Variants in NRXN2 observed in about 807,000 individuals in gnomAD.
NRXN2 encodes the protein neurexin 2.
Under a neutral mutation model 128.8 loss-of-function variants are expected in NRXN2, and 29 were observed. The observed-to-expected ratio is 0.23, with a 90% CI of 0.17 to 0.31. The LOEUF (loss-of-function observed/expected upper bound fraction) is 0.31. NRXN2 is among the 10% of genes least tolerant of loss of function. NRXN2 has a pLI of 1.00. For missense variants in NRXN2, 1,881 were observed against 2,452.6 expected (o/e 0.77, Z 4.92); for synonymous variants, 1,098 against 1,075.2 (o/e 1.02, Z -0.41).
At chr11:64,655,924 AAT>A (rs1256073018) in intron 11 of NRXN2, among the ~76,000 whole-genome samples, 1 of 152,218 alleles carries the variant, frequency 6.6e-6, no homozygotes, top group Non-Finnish European at 1.5e-5. Flanking sequence ...AAGTGCAGGG[AAT>A]AGGCAGAAGT....
intron 6 of NRXN2, among the ~76,000 whole-genome samples, chr11:64,679,523 G>C (rs1219804638): frequency 6.6e-6 from 1 of 152,118 alleles, no homozygotes; most frequent in Non-Finnish European, 1.5e-5. Context: ...CGTAGTCCCA[G>C]CTACTTGGGA....
intron 21 of NRXN2, among the ~76,000 whole-genome samples, chr11:64,621,505 T>G (rs751155329): frequency 1.3e-5 from 2 of 152,088 alleles, no homozygotes; most frequent in Non-Finnish European, 2.9e-5. Flanking sequence ...CAGGCTTGTC[T>G]CTCTGATCTG....
chr11:64,668,079 A>G (rs2135512015), intron 8 of NRXN2, among the ~76,000 whole-genome samples: 1 of 152,364 alleles, frequency 6.6e-6, no homozygotes, highest in Non-Finnish European at 1.5e-5. Flanking sequence ...CTACCCATCC[A>G]CAGAGGAGGA....
chr11:64,606,939 G>A lies in NRXN2; in HGVS notation c.*257C>T. 1 of 543,962 alleles carries A rather than the reference G, an allele frequency of 1.8e-6. No individual in the cohort carries two copies. The highest frequency in any genetic ancestry group is 3.3e-6 in the Non-Finnish European group (1 of 304,050). The allele number at this position is 543,962 out of a possible 1,614,324, so 33.7% of individuals were successfully genotyped here. A position where few individuals can be genotyped will look rare whatever the true frequency, so the allele number is the denominator to read the frequency against. On this transcript the variant is annotated 3_prime_UTR_variant, in exon 23 of 23. Coordinates refer to ENST00000265459, the MANE Select transcript of NRXN2 (RefSeq NM_015080.4). ...AAAAAATAAATCAACCCAGGGCTGT[G>A]AGCACGTGCCCTGCCTGGCAGGCGC...
rs552975467 is a variant in NRXN2 at position 64,714,581 on chromosome 11, C to T, written c.-244-638G>A. Among the ~76,000 whole-genome samples, 22 of 152,170 alleles carry T rather than the reference C, an allele frequency of 1.4e-4. No individual in the cohort carries two copies. In the South Asian group the frequency reaches 4.4e-3, roughly 30 times the overall value. ...TCCAATTCTGTGTCTCCAGTTCCCC[C>T]GAAACCACGCTCACCCCTTCCCAGG... On this transcript the variant is annotated intron_variant, in intron 1 of 22. Coordinates refer to ENST00000265459, the MANE Select transcript of NRXN2 (RefSeq NM_015080.4). This position sits in a 1 kb window ranked among gnomAD's most constrained non-coding sequence, Gnocchi z 4.5.
chr11:64,696,174 A>G (rs1235696471), intron 3 of NRXN2, among the ~76,000 whole-genome samples: 4 of 151,956 alleles, frequency 2.6e-5, no homozygotes, highest in Non-Finnish European at 5.9e-5. Flanking sequence ...CATGACATCA[A>G]GAGCAAGTAA....
chr11:64,640,314 C>T (rs376143772), intron 17 of NRXN2, among the ~76,000 whole-genome samples: 2 of 152,324 alleles, frequency 1.3e-5, no homozygotes, highest in South Asian at 4.1e-4. Flanking sequence ...GCCCTCCTTC[C>T]TACCTGCTCA....
chr11:64,656,633 C>A lies in NRXN2; in HGVS notation c.2390-2911G>T, dbSNP rs377348429. 1.2e-4 allele frequency among the ~76,000 whole-genome samples: 19 copies of A among 152,240 alleles called. No individual in the cohort carries two copies. In the East Asian group the frequency reaches 3.3e-3, roughly 26 times the overall value. ...AGGTCAGCTGCACTGACAGCTGGGA[C>A]CCCAGGGGCACACCTAGTAGAGGAC... On this transcript the variant is annotated intron_variant, in intron 11 of 22. Transcript: ENST00000265459.
In NRXN2 at chr11:64,622,648, G is replaced by T; in HGVS notation, c.4173+105C>A. On this transcript the variant is annotated intron_variant, in intron 21 of 22. Transcript: ENST00000265459. The surrounding 1 kb of genome is among the most constrained non-coding windows in gnomAD (Gnocchi z 4.3). ...GACAGCAGCCTTCAGGATCCCAACAGACCCCTTGGACCCTCACTCTAGGCA... is the reference window on the plus strand; with the variant it reads ...GACAGCAGCCTTCAGGATCCCAACATACCCCTTGGACCCTCACTCTAGGCA... 1 of 1,473,532 alleles carries T rather than the reference G, an allele frequency of 6.8e-7. No homozygotes were observed. Among genetic ancestry groups the T allele is most frequent in the Non-Finnish European group, 9.2e-7 (1 of 1,092,834 alleles). 91.3% of individuals were successfully genotyped at this position (1,473,532 alleles called of 1,614,324 possible).
Position 64,623,027 on chromosome 11 carries a change from C to T in NRXN2, c.3899G>A (p.Arg1300Gln), listed in dbSNP as rs760897904. 5.0e-6 allele frequency: 8 copies of T among 1,611,350 alleles called. No homozygotes were observed. The highest frequency in any genetic ancestry group is 2.2e-5 in the South Asian group (2 of 90,666). Residue 1300 changes from arginine to glutamine, a missense_variant, in exon 21 of 23, where the codon CGG becomes CAG. Coordinates refer to ENST00000265459, the MANE Select transcript of NRXN2 (RefSeq NM_015080.4). This position sits in a 1 kb window ranked among gnomAD's most constrained non-coding sequence, Gnocchi z 4.9. ...GCCCTGGAAGGGGCGGCCCTGATCCCGGCCCCCGATCTTGATGGCAGCCTG... is the reference window on the plus strand; with the variant it reads ...GCCCTGGAAGGGGCGGCCCTGATCCTGGCCCCCGATCTTGATGGCAGCCTG... ...NSQAAIKIGG[R>Q]DQGRPFQGQV...
At position 64,667,817 on chromosome 11, in the gene NRXN2, C is replaced by G. The variant is rs886522648; in HGVS notation, c.1360-129G>C. On this transcript the variant is annotated intron_variant, in intron 8 of 22. Coordinates refer to ENST00000265459, the MANE Select transcript of NRXN2 (RefSeq NM_015080.4). The surrounding 1 kb of genome is among the most constrained non-coding windows in gnomAD (Gnocchi z 5.6). ...GTAGCCCCTGCTCAGTTCCACCAGACCACCCGCTTAGGCCTCTGTTCTACA... is the reference window on the plus strand; with the variant it reads ...GTAGCCCCTGCTCAGTTCCACCAGAGCACCCGCTTAGGCCTCTGTTCTACA... The G allele has an allele frequency of 1.2e-6, 1 of 824,194 alleles. No homozygotes were observed. The highest frequency in any genetic ancestry group is 2.0e-6 in the Non-Finnish European group (1 of 495,668). The allele number at this position is 824,194 out of a possible 1,614,324, so 51.1% of individuals were successfully genotyped here.
rs1351585896 is a variant in NRXN2, at chr11:64,690,446, G to C, written c.809C>G (p.Ala270Gly). ...VGSLLFSEGG[A>G]GRGGAGDVHQ... ...CACATCGCCGGCTCCTCCTCTCCCG[G>C]CCCCCCCCTCGGAGAACAGTAAGGA... The change falls in exon 5 of 23, where the codon GCC (alanine) becomes GGC (glycine). Residue 270 changes from alanine to glycine, a missense_variant. This residue lies in a region of NRXN2 where 997 missense variants were observed against 1,240.8 expected (regional missense o/e 0.80). Transcript: ENST00000265459. 3.1e-6 allele frequency: 5 copies of C among 1,609,018 alleles called. No homozygotes were observed. The highest frequency in any genetic ancestry group is 4.2e-6 in the Non-Finnish European group (5 of 1,176,774).
Position 64,632,681 on chromosome 11 carries a change from G to C in NRXN2, c.3586-2108C>G, listed in dbSNP as rs956925368. On this transcript the variant is annotated intron_variant, in intron 18 of 22. Transcript: ENST00000265459. The surrounding 1 kb of genome is among the most constrained non-coding windows in gnomAD (Gnocchi z 4.2). ...TTCCTAGGAGGCAGTCAAGCTCAGG[G>C]CCCTGCACTCCGGGGGAGAGGCAGC... 4.6e-5 allele frequency among the ~76,000 whole-genome samples: 7 copies of C among 152,126 alleles called. No homozygotes were observed. The highest frequency in any genetic ancestry group is 1.7e-4 in the African/African-American group (7 of 41,404).
intron 21 of NRXN2, among the ~76,000 whole-genome samples, chr11:64,621,083 G>C (rs1186799081): frequency 2.0e-5 from 3 of 152,108 alleles, no homozygotes; most frequent in African/African-American, 7.2e-5. Context: ...AAGGTGAGGA[G>C]AGAGCTAGGC....
chr11:64,610,085 A>T (rs1222208582), intron 22 of NRXN2, among the ~76,000 whole-genome samples: 1 of 151,962 alleles, frequency 6.6e-6, no homozygotes, highest in Admixed American at 6.5e-5. Context: ...GCAATGTTAC[A>T]GAGCTGTCCT....
intron 9 of NRXN2, 79 bp from the exon 10 acceptor site, chr11:64,661,218 C>G (rs760298047): frequency 1.9e-6 from 3 of 1,597,598 alleles, no homozygotes; most frequent in Admixed American, 1.7e-5. Context: ...GAAGGCCCCC[C>G]ACCTTGTGTG....
chr11:64,620,378 G>T lies in NRXN2; in HGVS notation c.4174-6C>A, dbSNP rs150729380. The T allele has an allele frequency of 4.5e-6, 7 of 1,551,906 alleles. No homozygotes were observed. Among genetic ancestry groups the T allele is most frequent in the Middle Eastern group, 1.7e-4 (1 of 5,996 alleles). On this transcript the variant is annotated splice_polypyrimidine_tract_variant and splice_region_variant and intron_variant, in intron 21 of 22. Coordinates refer to ENST00000265459, the MANE Select transcript of NRXN2 (RefSeq NM_015080.4). ...ACCAGCAGGTCATCTGTGTTCTGAG[G>T]GGCGAGAGAAGGGGTGGGGAAAGAG... is the stretch of plus-strand genomic sequence containing the variant.
At chr11:64,652,820 T>C (rs2047663416) in intron 12 of NRXN2, among the ~76,000 whole-genome samples, 2 of 152,162 alleles carry the variant, frequency 1.3e-5, no homozygotes, top group South Asian at 4.1e-4. Context: ...TTAGGAACTA[T>C]GGCCATTTAC....
At chr11:64,685,582 C>G in intron 6 of NRXN2, 64 bp downstream of exon 6, 1 of 1,607,070 alleles carries the variant, frequency 6.2e-7, no homozygotes, top group Non-Finnish European at 8.5e-7. Context: ...CGGCAGCCCC[C>G]TCTCCCAACC....
Sources: gnomAD v4.1 joint callset for allele counts (sites outside exome capture counted in the v4.1 genomes callset) on GRCh38, gnomAD v4.1.1 for gene constraint, gnomAD v4.1.1 regional missense constraint, Gnocchi (gnomAD v3.1) non-coding constraint, MANE v1.5 for transcripts, NCBI Gene and HGNC (gene_info 2026-07-23, HGNC 2026-07-21) for gene names.